EIF4G2: variants seen among roughly 807,000 people sequenced by gnomAD.
EIF4G2 encodes the protein eukaryotic translation initiation factor 4 gamma 2, also known as DAP-5.
EIF4G2 carries 8 observed loss-of-function variants against 117.7 expected under a neutral mutation model. The ratio of observed to expected loss-of-function variants is 0.07; its 90% confidence interval spans 0.04 to 0.12. The LOEUF is 0.12. EIF4G2 is among the 10% of genes least tolerant of loss of function. The probability of loss-of-function intolerance (pLI) is 1.00; values close to 1 mark genes in which losing one functional copy is unlikely to be tolerated. For missense variants in EIF4G2, 812 were observed against 1,086.2 expected, an observed-to-expected ratio of 0.75 and a Z score of 3.55; for synonymous variants, 413 against 367.8, an observed-to-expected ratio of 1.12 and a Z score of -1.41.
intron 14 of EIF4G2, chr11:10,801,320 A>G (rs959833608): frequency 1.9e-5 from 12 of 638,332 alleles, no homozygotes; most frequent in African/African-American, 1.8e-4. Flanking sequence ...TAGAATTAGC[A>G]TGACTAAAAT....
At chr11:10,806,164 C>A in intron 3 of EIF4G2, 117 bp from the exon 4 acceptor site, 1 of 1,393,916 alleles carries the variant, frequency 7.2e-7, no homozygotes, top group South Asian at 1.3e-5. Flanking sequence ...TCCAAGAAAG[C>A]CAACTCTGGA....
intron 11 of EIF4G2, among the ~76,000 whole-genome samples, chr11:10,802,772 CAGG>C (rs1233722882): frequency 6.6e-6 from 1 of 152,154 alleles, no homozygotes; most frequent in Non-Finnish European, 1.5e-5. Flanking sequence ...GAGGCTGAAG[CAGG>C]AGAATCACTT....
intron 18 of EIF4G2, 61 bp from the exon 19 acceptor site, chr11:10,799,817 G>T: frequency 6.5e-7 from 1 of 1,550,334 alleles, no homozygotes; most frequent in Non-Finnish European, 8.7e-7. Context: ...GTCCTGTCCA[G>T]AGAGCAGAGC....
chr11:10,805,808 T>G, intron 4 of EIF4G2, 99 bp downstream of exon 4: 4 of 1,538,526 alleles, frequency 2.6e-6, no homozygotes, highest in Non-Finnish European at 3.6e-6. Flanking sequence ...ACATACATAC[T>G]CTGGGCATGA....
chr11:10,808,439 C>T, intron 1 of EIF4G2: 1 of 1,262,866 alleles, frequency 7.9e-7, no homozygotes, highest in Non-Finnish European at 1.0e-6. Flanking sequence ...CCGCCACGGC[C>T]TCGTCCCTGC....
intron 3 of EIF4G2, 142 bp downstream of exon 3, chr11:10,806,678 T>C: frequency 4.9e-6 from 4 of 809,172 alleles, no homozygotes; most frequent in East Asian, 2.5e-5. Context: ...GGAACTGATA[T>C]TCTGTATTTA....
At position 10,801,052 on chromosome 11, in the gene EIF4G2, A is replaced by T; in HGVS notation, c.1449T>A (p.Asn483Lys). The T allele has an allele frequency of 6.2e-7, 1 of 1,614,178 alleles. No homozygotes were observed. Among genetic ancestry groups the T allele is most frequent in the Non-Finnish European group, 8.5e-7 (1 of 1,180,004 alleles). Reference sequence around the variant, plus strand: ...GCTGAAGCTTTGGCACTTGATTTTTATTCATTAGGAACGACTGAGCAGGCC... The same window carrying T: ...GCTGAAGCTTTGGCACTTGATTTTTTTTCATTAGGAACGACTGAGCAGGCC... Residue 483 changes from asparagine (N) to lysine (K), a missense_variant, in exon 15 of 22, where the codon AAT becomes AAA. By Grantham distance (94) the Asn-to-Lys change is moderately conservative (BLOSUM62 0). This residue lies in a region of EIF4G2 where 571 missense variants were observed against 642.3 expected (regional missense o/e 0.89). Coordinates refer to ENST00000339995, the MANE Select transcript of EIF4G2 (RefSeq NM_001418.4).
chr11:10,803,408 T>G lies in EIF4G2; in HGVS notation c.813+72A>C. ...AATGGCTAAATATGGCAATCCCTTA[T>G]GATGTCACAAAAATCAATAGCTTGA... On this transcript the variant is annotated intron_variant, in intron 9 of 21. Transcript: ENST00000339995. The surrounding 1 kb of genome is among the most constrained non-coding windows in gnomAD (Gnocchi z 4.0). 6.4e-7 allele frequency: 1 copy of G among 1,561,690 alleles called. No individual in the cohort carries two copies. Among genetic ancestry groups the G allele is most frequent in the South Asian group, 1.1e-5 (1 of 89,688 alleles).
intron 21 of EIF4G2, 172 bp downstream of exon 21, chr11:10,798,820 G>T (rs749760150): frequency 1.3e-6 from 1 of 798,270 alleles, no homozygotes; most frequent in Non-Finnish European, 2.0e-6. Context: ...TTGATTCATT[G>T]TGTAGCTTTA....
chr11:10,799,389 G>C lies in EIF4G2; in HGVS notation c.2360C>G (p.Pro787Arg). ...AGAGGATGAATCTGTTTCATCGCTGGGGGGGTTTACTTCACTAGAAATGTA... is the reference window on the plus strand; with the variant it reads ...AGAGGATGAATCTGTTTCATCGCTGCGGGGGTTTACTTCACTAGAAATGTA... Residue 787 changes from proline (P) to arginine (R), a missense_variant, in exon 20 of 22, where the codon CCC becomes CGC. Physicochemically the swap from Pro to Arg is moderately radical, Grantham distance 103 (BLOSUM62 -2). This residue lies in a region of EIF4G2 where 571 missense variants were observed against 642.3 expected (regional missense o/e 0.89). Transcript: ENST00000339995. The C allele has an allele frequency of 1.9e-6, 3 of 1,612,014 alleles. No individual in the cohort carries two copies. Among genetic ancestry groups the C allele is most frequent in the South Asian group, 1.1e-5 (1 of 91,086 alleles).
Position 10,799,317 on chromosome 11 carries a change from G to A in EIF4G2, c.2432C>T (p.Ser811Phe). ...AAATTTCTGCATTACTGGCTTGAAA[G>A]ATAGTAGTAGTTGTTTTTCCTGCTC... Residue 811 changes from serine (S) to phenylalanine (F), a missense_variant, in exon 20 of 22, where the codon TCT becomes TTT. Physicochemically the swap from Ser to Phe is radical, Grantham distance 155. This residue lies in a region of EIF4G2 where 571 missense variants were observed against 642.3 expected (regional missense o/e 0.89). Transcript: ENST00000339995. 6.2e-7 allele frequency: 1 copy of A among 1,614,058 alleles called. No individual in the cohort carries two copies.
In EIF4G2 at chr11:10,803,959, A is replaced by G. The variant is rs1847493206; in HGVS notation, c.642T>C (p.Ile214=). 6.2e-7 allele frequency: 1 copy of G among 1,614,092 alleles called. No individual in the cohort carries two copies. Among genetic ancestry groups the G allele is most frequent in the Non-Finnish European group, 8.5e-7 (1 of 1,180,014 alleles). Residue 214 remains isoleucine, a synonymous_variant, in exon 8 of 22, where the codon ATT becomes ATC. Transcript: ENST00000339995. This position sits in a 1 kb window ranked among gnomAD's most constrained non-coding sequence, Gnocchi z 4.0. ...TAAGATCAAGCTTGCCAAGCTCTCC[A>G]ATGAATTTGATGTTTCCCAACATCT...
At chr11:10,808,589 G>T in intron 1 of EIF4G2, 116 bp downstream of exon 1, 1 of 878,950 alleles carries the variant, frequency 1.1e-6, no homozygotes, top group Non-Finnish European at 1.4e-6. Context: ...GCTAAAAAAG[G>T]GTCGCCCCAC....
chr11:10,799,786 A>G, intron 18 of EIF4G2, 30 bp from the exon 19 acceptor site: 1 of 1,599,172 alleles, frequency 6.3e-7, no homozygotes, highest in Non-Finnish European at 8.5e-7. Flanking sequence ...TGCATCATCT[A>G]ATAGTTCATT....
Position 10,797,688 on chromosome 11 carries a change from C to A in EIF4G2, c.*128G>T. ...AACCTTATGCAGAAGGAAATCCTAACTGACGTGCTTCTGCTTTAAATATTG... is the reference window on the plus strand; with the variant it reads ...AACCTTATGCAGAAGGAAATCCTAAATGACGTGCTTCTGCTTTAAATATTG... On this transcript the variant is annotated 3_prime_UTR_variant, in exon 22 of 22. Coordinates refer to ENST00000339995, the MANE Select transcript of EIF4G2 (RefSeq NM_001418.4). The surrounding 1 kb of genome is among the most constrained non-coding windows in gnomAD (Gnocchi z 4.5). 1 of 972,162 alleles carries A rather than the reference C, an allele frequency of 1.0e-6. No homozygotes were observed. Among genetic ancestry groups the A allele is most frequent in the South Asian group, 1.5e-5 (1 of 66,492 alleles). 60.2% of individuals were successfully genotyped at this position (972,162 alleles called of 1,614,324 possible).
Position 10,801,711 on chromosome 11 carries a change from T to TCGA in EIF4G2, c.1360_1362dup (p.Ser454dup). The TCGA allele has an allele frequency of 6.2e-7, 1 of 1,614,184 alleles. No individual in the cohort carries two copies. Among genetic ancestry groups the TCGA allele is most frequent in the Non-Finnish European group, 8.5e-7 (1 of 1,180,026 alleles). On this transcript the variant is annotated inframe_insertion, in exon 14 of 22. Coordinates refer to ENST00000339995, the MANE Select transcript of EIF4G2 (RefSeq NM_001418.4). Reference sequence around the variant, plus strand: ...TTAGAAAACCGAGGTGGCATATCCTTCGACTGTCCTTGCAGCTGGGATAAG... The same window carrying TCGA: ...TTAGAAAACCGAGGTGGCATATCCTTCGACGACTGTCCTTGCAGCTGGGATAAG...
In EIF4G2 at chr11:10,803,722, CTGGT is replaced by C; in HGVS notation, c.703-136_703-133del. On this transcript the variant is annotated intron_variant, in intron 8 of 21. Transcript: ENST00000339995. The surrounding 1 kb of genome is among the most constrained non-coding windows in gnomAD (Gnocchi z 4.0). ...ATCTAGTATAGGGCTTTCTACCAGTCTGGTTGATCAGTTCTAACTCTACTTTGTC... is the reference window on the plus strand; with the variant it reads ...ATCTAGTATAGGGCTTTCTACCAGTCTGATCAGTTCTAACTCTACTTTGTC... 1 of 1,115,600 alleles carries C rather than the reference CTGGT, an allele frequency of 9.0e-7. No individual in the cohort carries two copies. The highest frequency in any genetic ancestry group is 1.5e-5 in the South Asian group (1 of 68,768). The allele number at this position is 1,115,600 out of a possible 1,614,324, so 69.1% of individuals were successfully genotyped here. A position where few individuals can be genotyped will look rare whatever the true frequency, so the allele number is the denominator to read the frequency against.
intron 18 of EIF4G2, 43 bp downstream of exon 18, chr11:10,800,047 A>G (rs752766878): frequency 1.0e-5 from 16 of 1,588,502 alleles, no homozygotes; most frequent in East Asian, 4.5e-5. Flanking sequence ...ATCTCTAGAT[A>G]TAATATTAAA....
Position 10,797,904 on chromosome 11 carries a change from T to C in EIF4G2, c.2659-23A>G. 1 of 1,608,542 alleles carries C rather than the reference T, an allele frequency of 6.2e-7. No individual in the cohort carries two copies. Among genetic ancestry groups the C allele is most frequent in the Non-Finnish European group, 8.5e-7 (1 of 1,176,246 alleles). On this transcript the variant is annotated intron_variant, in intron 21 of 21. Coordinates refer to ENST00000339995, the MANE Select transcript of EIF4G2 (RefSeq NM_001418.4). This position sits in a 1 kb window ranked among gnomAD's most constrained non-coding sequence, Gnocchi z 4.5. The stretch of plus-strand genomic sequence containing the variant: ...CACCTATAAATTAAGATTTGTAAAT[T>C]AAAATAGTTCATGATATAAACAGAA...
Sources: gnomAD v4.1 joint callset for allele counts (sites outside exome capture counted in the v4.1 genomes callset) on GRCh38, gnomAD v4.1.1 for gene constraint, gnomAD v4.1.1 regional missense constraint, Gnocchi (gnomAD v3.1) non-coding constraint, MANE v1.5 for transcripts, NCBI Gene and HGNC (gene_info 2026-07-23, HGNC 2026-07-21) for gene names.